STX8: variants seen among roughly 807,000 people sequenced by gnomAD.
The protein encoded by STX8 is syntaxin 8.
A neutral mutation model predicts 37.5 loss-of-function variants in STX8; 23 were observed. The observed-to-expected ratio is 0.61, with a 90% CI of 0.44 to 0.87. The LOEUF is 0.87. Ranked by LOEUF, STX8 falls within the 40% of genes least tolerant of loss-of-function variation. The probability of loss-of-function intolerance (pLI) is 0.00; values close to 1 mark genes in which losing one functional copy is unlikely to be tolerated. For synonymous variants in STX8, 115 were observed against 99.1 expected (o/e 1.16, Z -0.95); for missense variants, 313 against 284.7 (o/e 1.10, Z -0.71).
chr17:9,347,002 C>T (rs1404324754), intron 7 of STX8, among the ~76,000 whole-genome samples: 2 of 152,058 alleles, frequency 1.3e-5, no homozygotes, highest in Admixed American at 6.6e-5. Context: ...TAGTGGGTGC[C>T]TCTAATCCCA....
intron 5 of STX8, among the ~76,000 whole-genome samples, chr17:9,498,502 A>T (rs1186355521): frequency 6.6e-6 from 1 of 152,184 alleles, no homozygotes; most frequent in Admixed American, 6.5e-5. Context: ...TTTTGTTTTA[A>T]GATTTTAGGA....
At chr17:9,301,873 G>A (rs1908801725) in intron 7 of STX8, among the ~76,000 whole-genome samples, 1 of 152,186 alleles carries the variant, frequency 6.6e-6, no homozygotes, top group Non-Finnish European at 1.5e-5. Context: ...ATTCATAAGT[G>A]AGACTGGCAT....
At chr17:9,337,575 C>A (rs1374511615) in intron 7 of STX8, among the ~76,000 whole-genome samples, 1 of 152,124 alleles carries the variant, frequency 6.6e-6, no homozygotes, top group Non-Finnish European at 1.5e-5. Flanking sequence ...CCATGTTGGG[C>A]AGGCTGATCT....
chr17:9,525,328 T>C (rs1434325908), intron 4 of STX8, among the ~76,000 whole-genome samples: 1 of 151,970 alleles, frequency 6.6e-6, no homozygotes, highest in African/African-American at 2.4e-5. Context: ...ACTGCCCACA[T>C]TGATTTCTCC....
intron 6 of STX8, among the ~76,000 whole-genome samples, chr17:9,384,986 G>A (rs1443288165): frequency 1.3e-5 from 2 of 149,078 alleles, no homozygotes; most frequent in South Asian, 2.1e-4. Context: ...AGACTTAACT[G>A]TAAAACCTAG....
At chr17:9,448,166 C>T (rs1044018849) in intron 6 of STX8, among the ~76,000 whole-genome samples, 58 of 92,934 alleles carry the variant, frequency 6.2e-4, no homozygotes, top group African/African-American at 2.5e-3. Context: ...CAGAATGAGA[C>T]TCCATCTCAA....
intron 3 of STX8, among the ~76,000 whole-genome samples, chr17:9,546,998 C>A (rs1906554787): frequency 1.3e-5 from 2 of 151,448 alleles, no homozygotes; most frequent in Admixed American, 6.6e-5. Context: ...GCCTGTAATC[C>A]CAGCACTCTG....
intron 6 of STX8, among the ~76,000 whole-genome samples, chr17:9,429,507 T>C (rs1426107898): frequency 1.4e-5 from 2 of 143,158 alleles, no homozygotes; most frequent in East Asian, 2.0e-4. Context: ...ATCAAGACCA[T>C]CCTGGCTAAC....
At chr17:9,418,538 A>T in intron 6 of STX8, among the ~76,000 whole-genome samples, 1 of 151,730 alleles carries the variant, frequency 6.6e-6, no homozygotes, top group East Asian at 1.9e-4. Context: ...AAAACAAAAA[A>T]AAAAACAAGG....
chr17:9,534,656 T>C (rs1905956396), intron 4 of STX8, among the ~76,000 whole-genome samples: 2 of 152,146 alleles, frequency 1.3e-5, no homozygotes, highest in South Asian at 2.1e-4. Flanking sequence ...GGCATGGTGG[T>C]GCGCACCTGT....
rs56746680 is a variant in STX8 at position 9,355,655 on chromosome 17, G to A, written c.643+22897C>T. 4.1e-3 allele frequency among the ~76,000 whole-genome samples: 618 copies of A among 151,810 alleles called. 1 individual carries two copies. Among genetic ancestry groups the A allele is most frequent in the African/African-American group, 0.013 (539 of 41,384 alleles). The stretch of plus-strand genomic sequence containing the variant: ...CTCCCGAGTAGCTGGGATTACAGGC[G>A]CGCTCCACCACTCCTGGCTAATTTT... On this transcript the variant is annotated intron_variant, in intron 7 of 7. Transcript: ENST00000306357.
At position 9,406,726 on chromosome 17, in the gene STX8, A is replaced by T. The variant is rs975144127; in HGVS notation, c.542-28073T>A. Among the ~76,000 whole-genome samples the T allele has an allele frequency of 6.6e-5, 10 of 152,180 alleles. 1 individual carries two copies. Among genetic ancestry groups the T allele is most frequent in the African/African-American group, 2.2e-4 (9 of 41,450 alleles). On this transcript the variant is annotated intron_variant, in intron 6 of 7. Coordinates refer to ENST00000306357, the MANE Select transcript of STX8 (RefSeq NM_004853.3). ...TTACGTAGCTAACTTTTTCTTAAAA[A>T]TTTTCAGTGTTTCTAGACTATACAA...
intron 3 of STX8, among the ~76,000 whole-genome samples, chr17:9,551,452 T>C (rs143059745): frequency 3.9e-5 from 6 of 152,302 alleles, no homozygotes; most frequent in African/African-American, 9.6e-5. Context: ...AAATAATCAA[T>C]AGCAGCTAAT....
intron 7 of STX8, among the ~76,000 whole-genome samples, chr17:9,281,414 G>C (rs1270126719): frequency 2.0e-5 from 3 of 152,150 alleles, no homozygotes; most frequent in Non-Finnish European, 4.4e-5. Flanking sequence ...AGAAAAGCAG[G>C]GCTGGAGAAG....
chr17:9,560,524 C>A (rs1204218807), intron 2 of STX8, among the ~76,000 whole-genome samples: 1 of 150,250 alleles, frequency 6.7e-6, no homozygotes, highest in Non-Finnish European at 1.5e-5. Flanking sequence ...TATTTTAAAA[C>A]TTCATTAACA....
chr17:9,332,906 T>A (rs1910009248), intron 7 of STX8, among the ~76,000 whole-genome samples: 1 of 152,206 alleles, frequency 6.6e-6, no homozygotes, highest in Non-Finnish European at 1.5e-5. Context: ...TATTTTTGGC[T>A]ACCTTTGGGG....
chr17:9,528,270 G>C (rs889026777), intron 4 of STX8, among the ~76,000 whole-genome samples: 6 of 152,154 alleles, frequency 3.9e-5, no homozygotes, highest in Non-Finnish European at 8.8e-5. Context: ...GAAAGGGAGA[G>C]AGAGTATGAA....
At chr17:9,498,158 TGG>T (rs11338064) in intron 5 of STX8, among the ~76,000 whole-genome samples, 152 of 152,134 alleles carry the variant, frequency 1.0e-3, no homozygotes, top group Admixed American at 2.5e-3. Context: ...GAGCCTGAGG[TGG>T]GGGGGGATCA....
intron 6 of STX8, among the ~76,000 whole-genome samples, chr17:9,472,258 C>T (rs1052023640): frequency 6.6e-6 from 1 of 152,186 alleles, no homozygotes; most frequent in Non-Finnish European, 1.5e-5. Flanking sequence ...TGTTCAACCT[C>T]GGCTGGGAAT....
Sources: gnomAD v4.1 joint callset for allele counts (sites outside exome capture counted in the v4.1 genomes callset) on GRCh38, gnomAD v4.1.1 for gene constraint, MANE v1.5 for transcripts, NCBI Gene and HGNC (gene_info 2026-07-23, HGNC 2026-07-21) for gene names.